SUGCT: variants seen among roughly 807,000 people sequenced by gnomAD.
SUGCT encodes succinyl-CoA:glutarate-CoA transferase, also known as succinyl-CoA:glutarate CoA-transferase.
A neutral mutation model predicts 55.0 loss-of-function variants in SUGCT; 41 were observed. The observed-to-expected ratio is 0.74, with a 90% CI of 0.58 to 0.97. The LOEUF (loss-of-function observed/expected upper bound fraction) is 0.97. SUGCT is among the 50% of genes least tolerant of loss of function. The pLI, the probability that SUGCT is intolerant of heterozygous loss-of-function variation, is 0.00. For synonymous variants in SUGCT, 187 were observed against 200.4 expected, an observed-to-expected ratio of 0.93 and a Z score of 0.56; for missense variants, 568 against 547.8, an observed-to-expected ratio of 1.04 and a Z score of -0.37.
chr7:40,172,564 T>G (rs1441355976), intron 1 of SUGCT, among the ~76,000 whole-genome samples: 1 of 152,144 alleles, frequency 6.6e-6, no homozygotes, highest in Non-Finnish European at 1.5e-5. Flanking sequence ...AGGAGAATTT[T>G]GAGGCTACAC....
intron 12 of SUGCT, among the ~76,000 whole-genome samples, chr7:40,515,884 C>A (rs6945570): frequency 0.21 from 32,138 of 152,164 alleles, 6,057 homozygotes; most frequent in African/African-American, 0.51. Context: ...CATTTTAAAC[C>A]ATGGCCAAAA....
the SUGCT span, among the ~76,000 whole-genome samples, chr7:40,871,013 A>G: frequency 6.6e-6 from 1 of 152,066 alleles, no homozygotes; most frequent in Non-Finnish European, 1.5e-5. Context: ...TATTTTTCCT[A>G]CAATAGCCCT....
chr7:40,173,913 CTGTG>C (rs34789334), intron 1 of SUGCT, among the ~76,000 whole-genome samples: 65,067 of 143,786 alleles, frequency 0.45, 14,327 homozygotes, highest in Middle Eastern at 0.58. Flanking sequence ...AATGTATATC[CTGTG>C]TGTGTGTGTG....
At chr7:40,627,681 A>G (rs1355881552) in intron 12 of SUGCT, among the ~76,000 whole-genome samples, 1 of 152,228 alleles carries the variant, frequency 6.6e-6, no homozygotes, top group Non-Finnish European at 1.5e-5. Context: ...TCTGCCTTGC[A>G]GAAAAGGTGG....
chr7:40,592,810 G>C (rs529234076), intron 12 of SUGCT, among the ~76,000 whole-genome samples: 1 of 152,204 alleles, frequency 6.6e-6, no homozygotes, highest in Non-Finnish European at 1.5e-5. Context: ...GAGGTAAAGA[G>C]AGATCTTCAT....
At chr7:40,166,368 A>G (rs939594840) in intron 1 of SUGCT, among the ~76,000 whole-genome samples, 1 of 152,136 alleles carries the variant, frequency 6.6e-6, no homozygotes, top group African/African-American at 2.4e-5. Context: ...TCACTCATTC[A>G]TTTTGACTTA....
chr7:40,880,777 A>G, the SUGCT span, among the ~76,000 whole-genome samples: 1 of 152,244 alleles, frequency 6.6e-6, no homozygotes, highest in South Asian at 2.1e-4. Context: ...GTTTCATGAC[A>G]GGAAAAAGGA....
intron 9 of SUGCT, among the ~76,000 whole-genome samples, chr7:40,432,005 A>T (rs1787918551): frequency 6.6e-6 from 1 of 151,858 alleles, no homozygotes; most frequent in African/African-American, 2.4e-5. Context: ...TGTGATGTGG[A>T]TGTCTTTTAT....
At chr7:40,559,250 C>T (rs1795716930) in intron 12 of SUGCT, among the ~76,000 whole-genome samples, 1 of 152,236 alleles carries the variant, frequency 6.6e-6, no homozygotes. Context: ...CACCTCTCCA[C>T]AGGGCTGAAA....
At chr7:40,586,184 A>G (rs1280520216) in intron 12 of SUGCT, among the ~76,000 whole-genome samples, 1 of 152,118 alleles carries the variant, frequency 6.6e-6, no homozygotes, top group Non-Finnish European at 1.5e-5. Flanking sequence ...TTCCTGTTCT[A>G]TATAGAATTA....
intron 12 of SUGCT, among the ~76,000 whole-genome samples, chr7:40,529,126 A>G (rs934752186): frequency 2.0e-5 from 3 of 152,214 alleles, no homozygotes; most frequent in Non-Finnish European, 4.4e-5. Flanking sequence ...AGATCAAGAA[A>G]TTTGGCAGAA....
At chr7:40,602,175 T>C (rs960261987) in intron 12 of SUGCT, among the ~76,000 whole-genome samples, 1 of 152,176 alleles carries the variant, frequency 6.6e-6, no homozygotes, top group Non-Finnish European at 1.5e-5. Context: ...CCTCAAACCA[T>C]GGTTATATAC....
the SUGCT span, among the ~76,000 whole-genome samples, chr7:40,903,574 G>A: frequency 6.6e-6 from 1 of 152,186 alleles, no homozygotes; most frequent in South Asian, 2.1e-4. Context: ...CCTGCCTTTT[G>A]GTTATATTCT....
At position 40,757,087 on chromosome 7, in the gene SUGCT, C is replaced by G. The variant is rs556963910; in HGVS notation, c.1153+7590C>G. Among the ~76,000 whole-genome samples the G allele has an allele frequency of 6.6e-5, 10 of 152,196 alleles. No homozygotes were observed. The East Asian group carries it at 1.9e-3, about 29-fold the overall frequency. ...ATCAGTGTATTCTCAGGTGACTTGC[C>G]ATTGAGTGCCTGGAGTCTTCTCTGG... On this transcript the variant is annotated intron_variant, in intron 13 of 13. Transcript: ENST00000335693.
chr7:40,282,023 G>A (rs548018865), intron 8 of SUGCT, among the ~76,000 whole-genome samples: 3 of 152,236 alleles, frequency 2.0e-5, no homozygotes, highest in Admixed American at 1.3e-4. Flanking sequence ...GTTTCACCAT[G>A]CTGGCCAGGC....
At chr7:40,645,397 G>A (rs774277702) in intron 12 of SUGCT, among the ~76,000 whole-genome samples, 1 of 152,136 alleles carries the variant, frequency 6.6e-6, no homozygotes. Context: ...ACAAAGGGCC[G>A]GGGACTAAGT....
the SUGCT span, among the ~76,000 whole-genome samples, chr7:41,022,524 G>A: frequency 6.6e-6 from 1 of 152,058 alleles, no homozygotes; most frequent in Non-Finnish European, 1.5e-5. Context: ...GGTGAGTAGA[G>A]GATTATTAAA....
intron 12 of SUGCT, among the ~76,000 whole-genome samples, chr7:40,573,912 T>C (rs540311129): frequency 2.0e-5 from 3 of 152,358 alleles, no homozygotes; most frequent in East Asian, 1.9e-4. Flanking sequence ...TTTCTTCTGC[T>C]TAAAACTGCC....
chr7:40,782,951 G>C (rs1340727837), intron 13 of SUGCT, among the ~76,000 whole-genome samples: 1 of 152,098 alleles, frequency 6.6e-6, no homozygotes, highest in African/African-American at 2.4e-5. Flanking sequence ...TCTGCAAAGG[G>C]GACTCAGTTA....
Sources: allele counts gnomAD v4.1 joint callset (sites outside exome capture counted in the v4.1 genomes callset), GRCh38; gene constraint gnomAD v4.1.1; transcripts MANE v1.5; gene names NCBI Gene and HGNC (gene_info 2026-07-23, HGNC 2026-07-21).